The following ANXA1 variants were observed in gnomAD, a reference collection of about 807,000 sequenced individuals.
ANXA1 encodes annexin A1, also known as annexin I (lipocortin I).
In ANXA1, 39 loss-of-function variants were observed where a neutral mutation model predicts 47.9. The observed-to-expected ratio is 0.81, with a 90% CI of 0.63 to 1.06. ANXA1 has a LOEUF of 1.06. Among genes scored for constraint, ANXA1 ranks in the 50% least tolerant of loss-of-function variants. The probability of loss-of-function intolerance (pLI) is 0.00; values close to 1 mark genes in which losing one functional copy is unlikely to be tolerated. For synonymous variants in ANXA1, 146 were observed against 142.5 expected, an observed-to-expected ratio of 1.02 and a Z score of -0.17; for missense variants, 446 against 422.7, an observed-to-expected ratio of 1.06 and a Z score of -0.48.
intron 8 of ANXA1, among the ~76,000 whole-genome samples, chr9:73,163,884 A>T (rs1253274436): frequency 6.6e-6 from 1 of 152,162 alleles, no homozygotes; most frequent in African/African-American, 2.4e-5. Flanking sequence ...TGGAAAGAGT[A>T]AGCATATTTA....
intron 1 of ANXA1, among the ~76,000 whole-genome samples, chr9:73,153,305 G>A (rs1277570309): frequency 2.6e-5 from 4 of 152,104 alleles, no homozygotes; most frequent in Admixed American, 6.5e-5. Context: ...ATTAATTTAC[G>A]ACATTTCAAA....
intron 5 of ANXA1, 147 bp downstream of exon 5, chr9:73,160,523 A>C (rs1198469053): frequency 2.0e-5 from 12 of 589,444 alleles, no homozygotes; most frequent in Non-Finnish European, 3.5e-5. Context: ...TCAATGAAGG[A>C]ATTAATATAT....
Position 73,160,822 on chromosome 9 carries a change from A to G in ANXA1, c.404A>G (p.Asp135Gly), listed in dbSNP as rs111698970. ...ATTTAGGGCCTTGGAACTGATGAAG[A>G]TACTCTAATTGAGATTTTGGCATCA... ...AAMKGLGTDE[D>G]TLIEILASRT... is the part of the protein sequence containing the mutation. The change falls in exon 6 of 13, where the codon GAT (aspartate) becomes GGT (glycine). Residue 135 changes from aspartate to glycine, a missense_variant. Coordinates refer to ENST00000257497, the MANE Select transcript of ANXA1 (RefSeq NM_000700.3). 4.3e-6 allele frequency: 7 copies of G among 1,612,292 alleles called. No individual in the cohort carries two copies. The highest frequency in any genetic ancestry group is 1.3e-5 in the African/African-American group (1 of 74,840).
chr9:73,163,381 TCAAAAA>T, intron 7 of ANXA1, 89 bp from the exon 8 acceptor site: 1 of 1,278,540 alleles, frequency 7.8e-7, no homozygotes, highest in Admixed American at 2.0e-5. Context: ...TACCTTTTTC[TCAAAAA>T]ATATTATTTA....
At chr9:73,165,469 A>C (rs77787587) in intron 9 of ANXA1, 4 of 272,776 alleles carry the variant, frequency 1.5e-5, no homozygotes, top group Non-Finnish European at 2.8e-5. Flanking sequence ...CCCCTAAAAG[A>C]TTTGGAATAT....
intron 1 of ANXA1, chr9:73,158,040 G>A (rs899745266): frequency 2.0e-5 from 3 of 153,224 alleles, no homozygotes; most frequent in Non-Finnish European, 4.4e-5. Flanking sequence ...TTCAAGAGAG[G>A]CTTGGGTCAG....
At chr9:73,160,669 T>C (rs1588220317) in intron 5 of ANXA1, 134 bp from the exon 6 acceptor site, 3 of 679,216 alleles carry the variant, frequency 4.4e-6, no homozygotes, top group Non-Finnish European at 7.7e-6. Flanking sequence ...TAGAGCTTAT[T>C]GTAATTATTA....
Position 73,170,172 on chromosome 9 carries a change from C to G in ANXA1, c.*65C>G. 1.4e-6 allele frequency: 2 copies of G among 1,380,242 alleles called. No individual in the cohort carries two copies. The highest frequency in any genetic ancestry group is 2.0e-6 in the Non-Finnish European group (2 of 1,004,866). The allele number at this position is 1,380,242 out of a possible 1,614,324, so 85.5% of individuals were successfully genotyped here. On this transcript the variant is annotated 3_prime_UTR_variant, in exon 13 of 13. Coordinates refer to ENST00000257497, the MANE Select transcript of ANXA1 (RefSeq NM_000700.3). Reference sequence around the variant, plus strand: ...TAATTATATATTTTCATCCTATAAGCTTAAATAGGAAAGTTTCTTCAACAG... The same window carrying G: ...TAATTATATATTTTCATCCTATAAGGTTAAATAGGAAAGTTTCTTCAACAG...
Position 73,156,572 on chromosome 9 carries a change from G to A in ANXA1, c.-14-1950G>A, listed in dbSNP as rs536981944. ...AATAGTAATAAGAGCAATCCCATGCGAATTAAGTGGGGATGATTTCTGCTT... is the reference window on the plus strand; with the variant it reads ...AATAGTAATAAGAGCAATCCCATGCAAATTAAGTGGGGATGATTTCTGCTT... On this transcript the variant is annotated intron_variant, in intron 1 of 12. Coordinates refer to ENST00000257497, the MANE Select transcript of ANXA1 (RefSeq NM_000700.3). 1.8e-3 allele frequency among the ~76,000 whole-genome samples: 267 copies of A among 152,270 alleles called. 1 individual carries two copies. The highest frequency in any genetic ancestry group is 6.1e-3 in the African/African-American group (252 of 41,554).
rs1479488328 is a variant in ANXA1 at position 73,155,407 on chromosome 9, T to C, written c.-14-3115T>C. On this transcript the variant is annotated intron_variant, in intron 1 of 12. Coordinates refer to ENST00000257497, the MANE Select transcript of ANXA1 (RefSeq NM_000700.3). ...AAAAAGAAAACCTTTCATGAACTCA[T>C]TGGCTTAGGCAGGTTTTCATGCAGA... 3.9e-5 allele frequency among the ~76,000 whole-genome samples: 6 copies of C among 152,310 alleles called. No individual in the cohort carries two copies. The East Asian group carries it at 1.2e-3, about 29-fold the overall frequency.
At chr9:73,155,618 AT>A (rs1448836793) in intron 1 of ANXA1, among the ~76,000 whole-genome samples, 7 of 152,208 alleles carry the variant, frequency 4.6e-5, no homozygotes, top group Non-Finnish European at 8.8e-5. Flanking sequence ...AATTTCTTAT[AT>A]CCTGCCTTGA....
At chr9:73,168,618 T>C (rs559371553) in intron 11 of ANXA1, 1 of 155,880 alleles carries the variant, frequency 6.4e-6, no homozygotes, top group African/African-American at 2.4e-5. Context: ...AGGCAGGATA[T>C]TGTAAGCCTT....
At chr9:73,155,034 C>A (rs2795112) in intron 1 of ANXA1, among the ~76,000 whole-genome samples, 2 of 151,886 alleles carry the variant, frequency 1.3e-5, no homozygotes, top group Non-Finnish European at 2.9e-5. Flanking sequence ...AAAAATGAAG[C>A]GGGGGGACTC....
At chr9:73,155,898 T>C (rs1255122883) in intron 1 of ANXA1, among the ~76,000 whole-genome samples, 1 of 151,680 alleles carries the variant, frequency 6.6e-6, no homozygotes, top group Non-Finnish European at 1.5e-5. Flanking sequence ...GTAATTAATA[T>C]ACCTTTTCCT....
At chr9:73,164,449 T>C (rs1055017971) in intron 8 of ANXA1, among the ~76,000 whole-genome samples, 3 of 152,212 alleles carry the variant, frequency 2.0e-5, no homozygotes, top group Non-Finnish European at 4.4e-5. Context: ...TTATTTGCTT[T>C]TGACATTTCT....
At chr9:73,166,074 C>G (rs1361330489) in intron 9 of ANXA1, 23 bp from the exon 10 acceptor site, 2 of 1,555,670 alleles carry the variant, frequency 1.3e-6, no homozygotes, top group African/African-American at 1.4e-5. Flanking sequence ...TTGCATGTAT[C>G]TTAGTTTGAA....
At chr9:73,167,443 A>G in intron 10 of ANXA1, 54 bp from the exon 11 acceptor site, 1 of 1,508,818 alleles carries the variant, frequency 6.6e-7, no homozygotes, top group Non-Finnish European at 9.2e-7. Flanking sequence ...TTTCATATGG[A>G]TATTTCATTT....
rs1041239486 is a variant in ANXA1 at position 73,160,856 on chromosome 9, C to T, written c.438C>T (p.Asn146=). Reference sequence around the variant, plus strand: ...TTGAGATTTTGGCATCAAGAACTAACAAAGAAATCAGAGACATTAACAGGG... The same window carrying T: ...TTGAGATTTTGGCATCAAGAACTAATAAAGAAATCAGAGACATTAACAGGG... The part of the protein sequence containing the change: ...TLIEILASRT[N]KEIRDINRVY... Residue 146 remains asparagine, a synonymous_variant, in exon 6 of 13, where the codon AAC becomes AAT. Transcript: ENST00000257497. 5 of 1,612,576 alleles carry T rather than the reference C, an allele frequency of 3.1e-6. No homozygotes were observed.
At chr9:73,160,999 C>T (rs1196400398) in intron 6 of ANXA1, 106 bp downstream of exon 6, 1 of 722,268 alleles carries the variant, frequency 1.4e-6, no homozygotes. Flanking sequence ...TTGGAATCTC[C>T]ACATATCAAA....
Sources: gnomAD v4.1 joint callset for allele counts (sites outside exome capture counted in the v4.1 genomes callset) on GRCh38, gnomAD v4.1.1 for gene constraint, MANE v1.5 for transcripts, NCBI Gene and HGNC (gene_info 2026-07-23, HGNC 2026-07-21) for gene names.